Variants in ARHGAP23 observed in about 807,000 individuals in gnomAD.
ARHGAP23 encodes rho GTPase-activating protein 23.
ARHGAP23 carries 34 observed loss-of-function variants against 136.3 expected under a neutral mutation model. That is an observed-to-expected ratio of 0.25 (90% CI 0.19 to 0.33). ARHGAP23 has a LOEUF of 0.33. ARHGAP23 is among the 10% of genes least tolerant of loss of function. The probability of loss-of-function intolerance (pLI) is 1.00; values close to 1 mark genes in which losing one functional copy is unlikely to be tolerated. For synonymous variants in ARHGAP23, 832 were observed against 920.5 expected (o/e 0.90, Z 1.74); for missense variants, 1,808 against 2,139.0 (o/e 0.85, Z 3.05).
At chr17:38,430,981 TATTA>T (rs2038673787) in intron 1 of ARHGAP23, among the ~76,000 whole-genome samples, 1 of 152,180 alleles carries the variant, frequency 6.6e-6, no homozygotes, top group South Asian at 2.1e-4. Flanking sequence ...TAGATACCAT[TATTA>T]TCCCCATTTT....
rs866253771 is a variant in ARHGAP23, at chr17:38,510,357, G to C, written c.3861G>C (p.Thr1287=). 2 of 1,248,298 alleles carry C rather than the reference G, an allele frequency of 1.6e-6. No individual in the cohort carries two copies. Among genetic ancestry groups the C allele is most frequent in the South Asian group, 3.4e-5 (1 of 29,152 alleles). The allele number at this position is 1,248,298 out of a possible 1,614,324, so 77.3% of individuals were successfully genotyped here. ...DERSELSHVE[T]DTEGAAGAGP... The stretch of plus-strand genomic sequence containing the variant: ...GTAGCGAGCTGAGCCACGTGGAGAC[G>C]GACACTGAGGGCGCGGCGGGCGCGG... Residue 1287 remains threonine, a synonymous_variant, in exon 24 of 24, where the codon ACG becomes ACC. Transcript: ENST00000622683. The surrounding 1 kb of genome is among the most constrained non-coding windows in gnomAD (Gnocchi z 4.6).
Position 38,510,166 on chromosome 17 carries a change from GAGGCCCCCGGACGCCTC to G in ARHGAP23, c.3673_3689del (p.Ala1225SerfsTer35), listed in dbSNP as rs1268407681. 1 of 1,295,022 alleles carries G rather than the reference GAGGCCCCCGGACGCCTC, an allele frequency of 7.7e-7. No homozygotes were observed. The highest frequency in any genetic ancestry group is 1.5e-5 in the African/African-American group (1 of 64,646). 80.2% of individuals were successfully genotyped at this position (1,295,022 alleles called of 1,614,324 possible). On this transcript the variant is annotated frameshift_variant, in exon 24 of 24. Coordinates refer to ENST00000622683, the MANE Select transcript of ARHGAP23 (RefSeq NM_001199417.2). LOFTEE classifies it high-confidence loss of function. This position sits in a 1 kb window ranked among gnomAD's most constrained non-coding sequence, Gnocchi z 4.6. ...GCCGCTGCCTGGCGCCGTCGCCCCC[GAGGCCCCCGGACGCCTC>G]AGTCCCCCGGCGGCGCCGGAGGAGC...
chr17:38,467,304 G>T lies in ARHGAP23; in HGVS notation c.1621G>T (p.Asp541Tyr). 1 of 1,501,968 alleles carries T rather than the reference G, an allele frequency of 6.7e-7. No homozygotes were observed. The highest frequency in any genetic ancestry group is 1.3e-5 in the South Asian group (1 of 76,548). 93.0% of individuals were successfully genotyped at this position (1,501,968 alleles called of 1,614,324 possible). A position where few individuals can be genotyped will look rare whatever the true frequency, so the allele number is the denominator to read the frequency against. ...RKVAPLATTE[D>Y]SLASIPFIDE... Reference sequence around the variant, plus strand: ...GGTGGCCCCTTTGGCCACCACCGAAGACTCTCTGGCTTCCATCCCCTTTAT... The same window carrying T: ...GGTGGCCCCTTTGGCCACCACCGAATACTCTCTGGCTTCCATCCCCTTTAT... The change falls in exon 7 of 24, where the codon GAC (aspartate) becomes TAC (tyrosine). Residue 541 changes from aspartate (D) to tyrosine (Y), a missense_variant. This residue lies in a region of ARHGAP23 where 859 missense variants were observed against 936.4 expected (regional missense o/e 0.92). Coordinates refer to ENST00000622683, the MANE Select transcript of ARHGAP23 (RefSeq NM_001199417.2).
chr17:38,484,382 TGGAAAGTCCCTTGCATGGGGTGA>T (rs2040115044), intron 16 of ARHGAP23, among the ~76,000 whole-genome samples: 1 of 151,748 alleles, frequency 6.6e-6, no homozygotes, highest in Non-Finnish European at 1.5e-5. Flanking sequence ...ATTTGGGGTG[TGGAAAGTCCCTTGCATGGGGTGA>T]GGGCATAAAC....
At chr17:38,470,582 T>G (rs1330225099) in intron 10 of ARHGAP23, among the ~76,000 whole-genome samples, 1 of 152,144 alleles carries the variant, frequency 6.6e-6, no homozygotes, top group African/African-American at 2.4e-5. Context: ...CATTGCCCAG[T>G]CTGGAGTGCA....
chr17:38,473,925 T>C (rs2039826537), intron 11 of ARHGAP23, among the ~76,000 whole-genome samples: 1 of 152,026 alleles, frequency 6.6e-6, no homozygotes, highest in African/African-American at 2.4e-5. Context: ...TTTTATTTTA[T>C]TTTATCTATT....
chr17:38,461,806 C>T (rs1009269392), intron 3 of ARHGAP23, among the ~76,000 whole-genome samples: 2 of 152,180 alleles, frequency 1.3e-5, no homozygotes, highest in Non-Finnish European at 2.9e-5. Context: ...GCGTCTGACT[C>T]TGCCACATGT....
chr17:38,474,084 C>A (rs1223536095), intron 11 of ARHGAP23, among the ~76,000 whole-genome samples: 1 of 152,160 alleles, frequency 6.6e-6, no homozygotes, highest in Non-Finnish European at 1.5e-5. Context: ...CCACACCCAG[C>A]TAATTTTTGT....
rs949085475 is a variant in ARHGAP23, at chr17:38,472,052, C to T, written c.2118+46C>T. ...AGGTGGAAGCTGGCTCCAGCAGAAC[C>T]CTCCAGCCTCTCCTAGGCCTACCCT... is the stretch of plus-strand genomic sequence containing the variant. On this transcript the variant is annotated intron_variant, in intron 11 of 23. Coordinates refer to ENST00000622683, the MANE Select transcript of ARHGAP23 (RefSeq NM_001199417.2). 10 of 1,484,392 alleles carry T rather than the reference C, an allele frequency of 6.7e-6. No individual in the cohort carries two copies. In the African/African-American group the frequency reaches 7.0e-5, roughly 10 times the overall value. 92.0% of individuals were successfully genotyped at this position (1,484,392 alleles called of 1,614,324 possible). A position where few individuals can be genotyped will look rare whatever the true frequency, so the allele number is the denominator to read the frequency against.
rs1202331627 is a variant in ARHGAP23 at position 38,477,863 on chromosome 17, A to C, written c.2403A>C (p.Arg801Ser). 1.3e-6 allele frequency: 2 copies of C among 1,548,582 alleles called. No individual in the cohort carries two copies. The highest frequency in any genetic ancestry group is 1.7e-6 in the Non-Finnish European group (2 of 1,146,472). Residue 801 changes from arginine (R) to serine (S), a missense_variant, in exon 12 of 24, where the codon AGA becomes AGC. Around this residue, in one of 7 missense-constraint regions of ARHGAP23, gnomAD observed 139 missense variants for 264.3 expected, o/e 0.53. Transcript: ENST00000622683. The surrounding 1 kb of genome is among the most constrained non-coding windows in gnomAD (Gnocchi z 6.6). ...GGGATGACATGCTGGGCTGGATCAG[A>C]GCGATCCGGGAGAACAGCAGGGCCG... Reference protein sequence around the residue: ...EDRDDMLGWIRAIRENSRAEG... With the variant: ...EDRDDMLGWISAIRENSRAEG...
At position 38,469,515 on chromosome 17, in the gene ARHGAP23, G is replaced by A; in HGVS notation, c.1805-9G>A. On this transcript the variant is annotated splice_polypyrimidine_tract_variant and intron_variant, in intron 8 of 23. Coordinates refer to ENST00000622683, the MANE Select transcript of ARHGAP23 (RefSeq NM_001199417.2). ...CTGACCCTGAGGCCCGATGTGGGCG[G>A]CTTTGCAGGCAGCATCAAGGCTGGC... 5 of 1,547,214 alleles carry A rather than the reference G, an allele frequency of 3.2e-6. No homozygotes were observed. Among genetic ancestry groups the A allele is most frequent in the Non-Finnish European group, 4.4e-6 (5 of 1,145,926 alleles).
intron 1 of ARHGAP23, among the ~76,000 whole-genome samples, chr17:38,431,439 C>G (rs950629849): frequency 2.6e-5 from 4 of 152,282 alleles, no homozygotes; most frequent in African/African-American, 9.6e-5. Context: ...CTCTCACCAT[C>G]TCGGGAGAGA....
At chr17:38,463,239 C>G (rs2039504037) in intron 5 of ARHGAP23, 43 bp downstream of exon 5, 4 of 1,550,960 alleles carry the variant, frequency 2.6e-6, no homozygotes, top group Non-Finnish European at 3.5e-6. Flanking sequence ...CTCCCCTCCC[C>G]TTTGCCCTGG....
intron 20 of ARHGAP23, among the ~76,000 whole-genome samples, chr17:38,495,905 TA>T (rs1331421002): frequency 7.3e-6 from 1 of 137,840 alleles, no homozygotes; most frequent in Non-Finnish European, 1.6e-5. Context: ...TTTATTCATT[TA>T]TTTTTTTTGA....
chr17:38,510,756 C>T lies in ARHGAP23; in HGVS notation c.4260C>T (p.Asn1420=), dbSNP rs907142294. Residue 1420 remains asparagine (N), a synonymous_variant, in exon 24 of 24, where the codon AAC becomes AAT. Coordinates refer to ENST00000622683, the MANE Select transcript of ARHGAP23 (RefSeq NM_001199417.2). This position sits in a 1 kb window ranked among gnomAD's most constrained non-coding sequence, Gnocchi z 4.6. ...VQSPLTDLNF[N]EWKELGGGGP... ...GCCCGCTGACTGACCTCAACTTCAA[C>T]GAGTGGAAGGAGCTGGGCGGAGGGG... 6.7e-7 allele frequency: 1 copy of T among 1,486,038 alleles called. No homozygotes were observed. 92.1% of individuals were successfully genotyped at this position (1,486,038 alleles called of 1,614,324 possible). A position where few individuals can be genotyped will look rare whatever the true frequency, so the allele number is the denominator to read the frequency against.
At chr17:38,494,965 G>A (rs879902211) in intron 20 of ARHGAP23, among the ~76,000 whole-genome samples, 16 of 152,140 alleles carry the variant, frequency 1.1e-4, no homozygotes, top group Non-Finnish European at 1.6e-4. Context: ...TCTTTGGGCC[G>A]ATCCTCAGGC....
intron 23 of ARHGAP23, among the ~76,000 whole-genome samples, chr17:38,507,763 G>A (rs2144820698): frequency 6.6e-6 from 1 of 152,276 alleles, no homozygotes; most frequent in Middle Eastern, 3.4e-3. Context: ...TGCATTGTGG[G>A]CAACCATGGC....
Position 38,428,464 on chromosome 17 carries a change from G to A in ARHGAP23, c.-22G>A, listed in dbSNP as rs1488935940. 1.6e-5 allele frequency: 23 copies of A among 1,423,484 alleles called. No individual in the cohort carries two copies. The highest frequency in any genetic ancestry group is 3.1e-5 in the East Asian group (1 of 31,906). The allele number at this position is 1,423,484 out of a possible 1,614,324, so 88.2% of individuals were successfully genotyped here. A position where few individuals can be genotyped will look rare whatever the true frequency, so the allele number is the denominator to read the frequency against. The stretch of plus-strand genomic sequence containing the variant: ...CGGCGCCCCCAGCCGTGCCCCGGCC[G>A]CAGAGCCGCCGCTGCCACCCGATGA... On this transcript the variant is annotated 5_prime_UTR_variant, in exon 1 of 24. Coordinates refer to ENST00000622683, the MANE Select transcript of ARHGAP23 (RefSeq NM_001199417.2).
At chr17:38,506,314 C>T (rs1209834959) in intron 23 of ARHGAP23, among the ~76,000 whole-genome samples, 2 of 152,180 alleles carry the variant, frequency 1.3e-5, no homozygotes, top group East Asian at 1.9e-4. Context: ...TAACTTGCCC[C>T]AGGTCTCACA....
Sources: allele counts gnomAD v4.1 joint callset (sites outside exome capture counted in the v4.1 genomes callset), GRCh38; gene constraint gnomAD v4.1.1; regional missense constraint gnomAD v4.1.1; non-coding constraint Gnocchi (gnomAD v3.1); transcripts MANE v1.5; gene names NCBI Gene and HGNC (gene_info 2026-07-23, HGNC 2026-07-21).